The following CD99L2 variants were observed in gnomAD, a reference collection of about 807,000 sequenced individuals.
CD99L2 encodes the protein CD99 molecule like 2.
In CD99L2, 24 loss-of-function variants were observed where a neutral mutation model predicts 27.3. The ratio of observed to expected loss-of-function variants is 0.88; its 90% CI spans 0.64 to 1.24. The LOEUF (loss-of-function observed/expected upper bound fraction) is 1.24, where lower values mean the gene tolerates loss of function less well. CD99L2 is among the 50% of genes most tolerant of loss of function. CD99L2 has a pLI of 0.00. For synonymous variants in CD99L2, 97 were observed against 87.9 expected (o/e 1.10, Z -0.58); for missense variants, 255 against 221.6 (o/e 1.15, Z -0.96).
chrX:150,837,220 CTTGAG>C (rs1557421230), intron 1 of CD99L2, among the ~76,000 whole-genome samples: 1 of 110,542 alleles, frequency 9.0e-6, no homozygotes, highest in African/African-American at 3.3e-5. Context: ...CTTGAAGCAT[CTTGAG>C]GTGCCAGAAA....
At chrX:150,798,144 AAGGG>A (rs1295098857) in intron 4 of CD99L2, among the ~76,000 whole-genome samples, 4 of 36,045 alleles carry the variant, frequency 1.1e-4, no homozygotes, top group East Asian at 9.1e-4. Flanking sequence ...GGAAGGAAGG[AAGGG>A]AGGGAGGGAG....
chrX:150,794,032 A>G (rs2045745537), intron 6 of CD99L2, among the ~76,000 whole-genome samples: 1 of 111,394 alleles, frequency 9.0e-6, no homozygotes, highest in African/African-American at 3.3e-5. Flanking sequence ...GGGATTTTGC[A>G]GAGGTGATTA....
intron 1 of CD99L2, among the ~76,000 whole-genome samples, chrX:150,843,991 T>C (rs1557421411): frequency 8.9e-6 from 1 of 111,805 alleles, no homozygotes. Context: ...TGGACCAGAA[T>C]CAAAGTTGGA....
At chrX:150,882,959 G>A (rs1363328164) in intron 1 of CD99L2, among the ~76,000 whole-genome samples, 1 of 111,156 alleles carries the variant, frequency 9.0e-6, no homozygotes, top group Non-Finnish European at 1.9e-5. Context: ...ATCACCTGAG[G>A]TCAGGAGTTC....
At chrX:150,781,358 C>G (rs1238896338) in intron 7 of CD99L2, among the ~76,000 whole-genome samples, 1 of 111,772 alleles carries the variant, frequency 8.9e-6, no homozygotes. Context: ...AGTGATTCTT[C>G]CTGGATCATG....
intron 9 of CD99L2, chrX:150,771,707 G>A: frequency 1.0e-6 from 1 of 975,992 alleles, no homozygotes; most frequent in Non-Finnish European, 1.4e-6. Context: ...AGGGAAGCAG[G>A]AGGGAGAAGA....
At chrX:150,892,537 C>G (rs1427354473) in intron 1 of CD99L2, among the ~76,000 whole-genome samples, 1 of 87,707 alleles carries the variant, frequency 1.1e-5, no homozygotes, top group African/African-American at 4.4e-5. Flanking sequence ...ACCCGGGAGG[C>G]GGAGCTTGCA....
At chrX:150,787,888 G>GTATATA (rs527795783) in intron 7 of CD99L2, among the ~76,000 whole-genome samples, 1,056 of 63,715 alleles carry the variant, frequency 0.017, 20 homozygotes, top group Middle Eastern at 0.029. Context: ...AGAACTTAAA[G>GTATATA]TATATATATA....
intron 1 of CD99L2, among the ~76,000 whole-genome samples, chrX:150,844,546 G>A (rs1421576409): frequency 2.7e-5 from 3 of 111,862 alleles, no homozygotes; most frequent in African/African-American, 9.7e-5. Flanking sequence ...CCTCAGTCTA[G>A]ATTTGAACAC....
At chrX:150,823,308 C>T (rs138415079) in intron 2 of CD99L2, among the ~76,000 whole-genome samples, 6,196 of 111,377 alleles carry the variant, frequency 0.056, 145 homozygotes, top group South Asian at 0.13. Flanking sequence ...ATTGTTGAGG[C>T]GGAATCTCAC....
intron 1 of CD99L2, among the ~76,000 whole-genome samples, chrX:150,850,111 C>CAACAA (rs1557421565): frequency 9.0e-6 from 1 of 111,635 alleles, no homozygotes; most frequent in Non-Finnish European, 1.9e-5. Flanking sequence ...CCAATTAAAA[C>CAACAA]AACAAAACAA....
At chrX:150,807,478 C>A (rs1388118893) in intron 4 of CD99L2, among the ~76,000 whole-genome samples, 2 of 112,162 alleles carry the variant, frequency 1.8e-5, no homozygotes, top group Non-Finnish European at 3.8e-5. Flanking sequence ...GCACTTCAGG[C>A]CAGTTGTGCT....
intron 9 of CD99L2, among the ~76,000 whole-genome samples, chrX:150,774,554 T>C (rs1229994132): frequency 6.2e-5 from 7 of 112,035 alleles, no homozygotes; most frequent in African/African-American, 1.9e-4. Context: ...GAGGACAGCC[T>C]TGGGGCCTCT....
chrX:150,873,886 G>T (rs1464481416), intron 1 of CD99L2, among the ~76,000 whole-genome samples: 1 of 112,361 alleles, frequency 8.9e-6, no homozygotes, highest in African/African-American at 3.2e-5. Flanking sequence ...AGGGTGCCCT[G>T]CTTGAACACA....
chrX:150,831,315 T>A, intron 1 of CD99L2, 22 bp from the exon 2 acceptor site: 1 of 1,108,993 alleles, frequency 9.0e-7, no homozygotes, highest in Non-Finnish European at 1.2e-6. Context: ...AAAAAAAAAT[T>A]AAACTATCTT....
intron 1 of CD99L2, among the ~76,000 whole-genome samples, chrX:150,879,463 C>T (rs1331937977): frequency 9.0e-6 from 1 of 110,991 alleles, no homozygotes; most frequent in Non-Finnish European, 1.9e-5. Context: ...GAATGATATA[C>T]CATGAAGTAC....
At chrX:150,825,926 C>G (rs1043138242) in intron 2 of CD99L2, among the ~76,000 whole-genome samples, 15 of 111,772 alleles carry the variant, frequency 1.3e-4, no homozygotes, top group Non-Finnish European at 2.8e-4. Flanking sequence ...ATAATGGTAA[C>G]TGCTTGGTCT....
intron 1 of CD99L2, among the ~76,000 whole-genome samples, chrX:150,861,337 T>C (rs1210939415): frequency 9.0e-6 from 1 of 110,800 alleles, no homozygotes; most frequent in African/African-American, 3.3e-5. Context: ...AAGCTGGAGA[T>C]ATTACACTAT....
intron 1 of CD99L2, among the ~76,000 whole-genome samples, chrX:150,877,959 TACACACACACACACACACACACACAC>T (rs72172934): frequency 1.2e-5 from 1 of 83,049 alleles, no homozygotes; most frequent in South Asian, 6.6e-4. Flanking sequence ...CTCAAACACA[TACACACACACACACACACACACACAC>T]ACACACACAC....
Sources: allele counts gnomAD v4.1 joint callset (sites outside exome capture counted in the v4.1 genomes callset), GRCh38; gene constraint gnomAD v4.1.1; transcripts MANE v1.5; gene names NCBI Gene and HGNC (gene_info 2026-07-23, HGNC 2026-07-21).